Variants in AGPAT5 observed in about 807,000 individuals in gnomAD.
AGPAT5 encodes the protein 1-acylglycerol-3-phosphate O-acyltransferase 5.
AGPAT5 carries 46 observed loss-of-function variants against 45.6 expected under a neutral mutation model. The observed-to-expected ratio is 1.01, with a 90% CI of 0.80 to 1.29. The LOEUF is 1.29. AGPAT5 is among the 50% of genes most tolerant of loss of function. The pLI is 0.00. For missense variants in AGPAT5, 673 were observed against 450.7 expected (o/e 1.49, Z -4.47); for synonymous variants, 272 against 167.0 (o/e 1.63, Z -4.85).
Position 6,708,826 on chromosome 8 carries a change from G to A in AGPAT5, c.158G>A (p.Arg53Gln), listed in dbSNP as rs775293063. ...PARFYQALDD[R>Q]LYCVYQSMVL... ...CGCTTCTACCAAGCGCTGGACGACC[G>A]GCTCTACTGCGTCTACCAGAGCATG... Residue 53 changes from arginine to glutamine, a missense_variant, in exon 1 of 8, where the codon CGG (arginine) becomes CAG (glutamine). Coordinates refer to ENST00000285518, the MANE Select transcript of AGPAT5 (RefSeq NM_018361.5). 2.5e-6 allele frequency: 4 copies of A among 1,611,676 alleles called. No homozygotes were observed. The highest frequency in any genetic ancestry group is 2.2e-5 in the East Asian group (1 of 44,846).
At chr8:6,754,818 T>C (rs187913153) in intron 6 of AGPAT5, among the ~76,000 whole-genome samples, 10 of 152,314 alleles carry the variant, frequency 6.6e-5, no homozygotes, top group African/African-American at 2.2e-4. Flanking sequence ...TAATGACTTA[T>C]GTAATTGTAG....
intron 1 of AGPAT5, among the ~76,000 whole-genome samples, chr8:6,719,577 A>G (rs1483475106): frequency 1.3e-5 from 2 of 152,200 alleles, no homozygotes; most frequent in Non-Finnish European, 2.9e-5. Context: ...ATATTTGCAA[A>G]TCAGACATCA....
At chr8:6,751,603 AG>A (rs1245999010) in intron 6 of AGPAT5, among the ~76,000 whole-genome samples, 1 of 152,168 alleles carries the variant, frequency 6.6e-6, no homozygotes, top group African/African-American at 2.4e-5. Context: ...ATTTTAAGGG[AG>A]GTATAAATCA....
intron 1 of AGPAT5, among the ~76,000 whole-genome samples, chr8:6,720,020 C>G (rs1206806266): frequency 6.6e-6 from 1 of 152,164 alleles, no homozygotes; most frequent in Non-Finnish European, 1.5e-5. Flanking sequence ...TTGGATTGTC[C>G]TGCTTTTTAA....
intron 1 of AGPAT5, among the ~76,000 whole-genome samples, chr8:6,713,146 T>A (rs960170848): frequency 3.9e-5 from 6 of 152,174 alleles, no homozygotes; most frequent in African/African-American, 1.4e-4. Flanking sequence ...TTTTTAAAAG[T>A]TTTTGTAGAA....
chr8:6,711,296 G>A (rs1023359601), intron 1 of AGPAT5, among the ~76,000 whole-genome samples: 1 of 152,028 alleles, frequency 6.6e-6, no homozygotes, highest in East Asian at 1.9e-4. Context: ...TTGGATTCTG[G>A]GTAAATACCT....
At chr8:6,724,964 A>C (rs2980686) in intron 2 of AGPAT5, 25 bp downstream of exon 2, 724,377 of 1,005,072 alleles carry the variant, frequency 0.72, 263,585 homozygotes, top group African/African-American at 0.91. Context: ...TGCATGAAAC[A>C]TAGGTTTTTC....
At chr8:6,752,837 A>T (rs552835923) in intron 6 of AGPAT5, among the ~76,000 whole-genome samples, 1 of 152,336 alleles carries the variant, frequency 6.6e-6, no homozygotes, top group South Asian at 2.1e-4. Flanking sequence ...AAGTATTTAT[A>T]CCACTTATTT....
intron 7 of AGPAT5, 148 bp from the exon 8 acceptor site, chr8:6,757,015 A>T: frequency 1.6e-6 from 1 of 626,290 alleles, no homozygotes; most frequent in Non-Finnish European, 2.8e-6. Context: ...AACTTCTATT[A>T]AACCAAGTTT....
At position 6,730,338 on chromosome 8, in the gene AGPAT5, TTTTTTTTTTTG is replaced by T. The variant is rs1800821418; in HGVS notation, c.290-372_290-362del. The stretch of plus-strand genomic sequence containing the variant: ...TAGGACTTTTTTTTTTTTTTTTTTT[TTTTTTTTTTTG>T]GAGACGGAGTCTCGCTGTCGCCCAG... On this transcript the variant is annotated intron_variant, in intron 2 of 7. Coordinates refer to ENST00000285518, the MANE Select transcript of AGPAT5 (RefSeq NM_018361.5). Among the ~76,000 whole-genome samples, 2 of 25,846 alleles carry T rather than the reference TTTTTTTTTTTG, an allele frequency of 7.7e-5. 1 individual carries two copies. The highest frequency in any genetic ancestry group is 1.3e-4 in the Non-Finnish European group (2 of 15,710). The allele number at this position is 25,846 out of a possible 152,430, so 17.0% of individuals were successfully genotyped here. A position where few individuals can be genotyped will look rare whatever the true frequency, so the allele number is the denominator to read the frequency against.
At chr8:6,752,858 G>A (rs1801703292) in intron 6 of AGPAT5, among the ~76,000 whole-genome samples, 1 of 152,098 alleles carries the variant, frequency 6.6e-6, no homozygotes, top group South Asian at 2.1e-4. Context: ...CCTCCCTTCA[G>A]TGTTAGAACC....
chr8:6,721,081 T>C (rs540029377), intron 1 of AGPAT5, among the ~76,000 whole-genome samples: 20 of 152,348 alleles, frequency 1.3e-4, no homozygotes, highest in South Asian at 1.0e-3. Flanking sequence ...TGTGTTTGTA[T>C]TGATTATTGG....
intron 4 of AGPAT5, among the ~76,000 whole-genome samples, chr8:6,740,987 G>A (rs529893032): frequency 4.3e-4 from 65 of 152,200 alleles, no homozygotes; most frequent in African/African-American, 1.5e-3. Context: ...TAATTTTAAT[G>A]TTTCTGTTTT....
intron 5 of AGPAT5, among the ~76,000 whole-genome samples, chr8:6,743,649 T>A (rs377497546): frequency 2.0e-5 from 3 of 152,326 alleles, no homozygotes; most frequent in East Asian, 1.9e-4. Flanking sequence ...TCGAAGGGTT[T>A]TGTTTTAACT....
intron 1 of AGPAT5, among the ~76,000 whole-genome samples, chr8:6,723,103 A>T (rs1800562766): frequency 6.6e-6 from 1 of 152,214 alleles, no homozygotes; most frequent in East Asian, 1.9e-4. Flanking sequence ...TATTTTATTT[A>T]TGTTTATTCT....
At chr8:6,725,092 T>A (rs1381559840) in intron 2 of AGPAT5, among the ~76,000 whole-genome samples, 153 bp downstream of exon 2, 1 of 152,186 alleles carries the variant, frequency 6.6e-6, no homozygotes, top group East Asian at 1.9e-4. Flanking sequence ...GTGATTTTAC[T>A]TTTTGGAAAG....
chr8:6,742,218 A>G (rs1019003857), intron 5 of AGPAT5, among the ~76,000 whole-genome samples: 9 of 152,206 alleles, frequency 5.9e-5, no homozygotes, highest in Non-Finnish European at 1.2e-4. Context: ...TTATAAGTAG[A>G]TCTAAATCTG....
intron 7 of AGPAT5, among the ~76,000 whole-genome samples, chr8:6,756,528 G>C (rs906848373): frequency 1.3e-5 from 2 of 150,868 alleles, no homozygotes; most frequent in African/African-American, 2.4e-5. Context: ...CGAGGTGCGA[G>C]GATCACCTGA....
At position 6,757,415 on chromosome 8, in the gene AGPAT5, A is replaced by T. The variant is rs1156329693; in HGVS notation, c.*27A>T. ...CAAGTAGCTGTCTCCAGACAGTGGG[A>T]TGTGCTACATTGTCTATTTTTGGCG... On this transcript the variant is annotated 3_prime_UTR_variant, in exon 8 of 8. Transcript: ENST00000285518. 4 of 1,576,530 alleles carry T rather than the reference A, an allele frequency of 2.5e-6. No individual in the cohort carries two copies. The African/African-American group carries it at 5.4e-5, about 21-fold the overall frequency.
Sources: gnomAD v4.1 joint callset for allele counts (sites outside exome capture counted in the v4.1 genomes callset) on GRCh38, gnomAD v4.1.1 for gene constraint, MANE v1.5 for transcripts, NCBI Gene and HGNC (gene_info 2026-07-23, HGNC 2026-07-21) for gene names.